Variants in FBXL18 observed in about 807,000 individuals in gnomAD.
FBXL18 encodes the protein F-box and leucine rich repeat protein 18.
In FBXL18, 36 loss-of-function variants were observed where a neutral mutation model predicts 46.0. The ratio of observed to expected loss-of-function variants is 0.78; its 90% confidence interval spans 0.60 to 1.03. The LOEUF (loss-of-function observed/expected upper bound fraction) is 1.03, where lower values mean the gene tolerates loss of function less well. Among genes scored for constraint, FBXL18 ranks in the 50% least tolerant of loss-of-function variants. FBXL18 has a pLI of 0.00. For missense variants in FBXL18, 977 were observed against 1,004.1 expected (o/e 0.97, Z 0.36); for synonymous variants, 557 against 465.3 (o/e 1.20, Z -2.54).
At chr7:5,468,424 A>G (rs766760237) in intron 4 of FBXL18, among the ~76,000 whole-genome samples, 1 of 152,026 alleles carries the variant, frequency 6.6e-6, no homozygotes, top group Non-Finnish European at 1.5e-5. Context: ...GCCACCTCAG[A>G]CATTTTTTAA....
chr7:5,489,839 C>A, intron 4 of FBXL18: 1 of 400,130 alleles, frequency 2.5e-6, no homozygotes, highest in Non-Finnish European at 4.8e-6. Context: ...ACTTGTAATC[C>A]CAGCTGCTCA....
chr7:5,493,684 C>CGTGCGT (rs1554321548), intron 3 of FBXL18, among the ~76,000 whole-genome samples: 14 of 146,644 alleles, frequency 9.5e-5, no homozygotes, highest in African/African-American at 3.5e-4. Context: ...TGCGTGCGTG[C>CGTGCGT]GTGTGTGTGT....
At chr7:5,467,203 T>G (rs1783354290) in intron 4 of FBXL18, among the ~76,000 whole-genome samples, 1 of 151,908 alleles carries the variant, frequency 6.6e-6, no homozygotes, top group Non-Finnish European at 1.5e-5. Context: ...TACAAAAAAT[T>G]AGCCAGGCGC....
Position 5,468,021 on chromosome 7 carries a change from C to T in FBXL18, c.2001-20178G>A, listed in dbSNP as rs536526102. 1.9e-4 allele frequency among the ~76,000 whole-genome samples: 28 copies of T among 150,142 alleles called. No individual in the cohort carries two copies. In the South Asian group the frequency reaches 5.5e-3, roughly 29 times the overall value. On this transcript the variant is annotated intron_variant and NMD_transcript_variant, in intron 4 of 6. Coordinates refer to the FBXL18 transcript ENST00000415009. ...TTTTGGAGATGGAATCTCGCTCTGT[C>T]GCCCAGGCTGGAGTGCAGTGGCACG...
intron 4 of FBXL18, among the ~76,000 whole-genome samples, chr7:5,456,974 G>C (rs1235687087): frequency 2.6e-5 from 4 of 152,178 alleles, no homozygotes; most frequent in African/African-American, 9.7e-5. Flanking sequence ...ATGTTGGCCA[G>C]GCTGGTCTCA....
chr7:5,491,151 C>T (rs10951957), intron 4 of FBXL18, 80 bp downstream of exon 4: 191,264 of 1,312,912 alleles, frequency 0.15, 15,348 homozygotes, highest in African/African-American at 0.26. Context: ...GGTAGGCACT[C>T]GGTGAAGGCT....
chr7:5,481,667 G>T lies in FBXL18; in HGVS notation c.*108C>A. On this transcript the variant is annotated 3_prime_UTR_variant, in exon 5 of 5. Coordinates refer to ENST00000382368, the MANE Select transcript of FBXL18 (RefSeq NM_024963.6). ...CCAGGAGCCAGGTGGGGCGTGGCTG[G>T]CCGGGAGAGAGGCCCCCTTCCTCTT... 4 of 1,232,462 alleles carry T rather than the reference G, an allele frequency of 3.2e-6. No homozygotes were observed. The highest frequency in any genetic ancestry group is 4.6e-6 in the Non-Finnish European group (4 of 867,970). The allele number at this position is 1,232,462 out of a possible 1,614,324, so 76.3% of individuals were successfully genotyped here.
downstream of FBXL18, among the ~76,000 whole-genome samples, chr7:5,471,122 C>T (rs980662047): frequency 2.6e-5 from 4 of 152,166 alleles, no homozygotes; most frequent in African/African-American, 9.6e-5. Flanking sequence ...ACCATGGCTC[C>T]GAAGCTAGGA....
chr7:5,466,738 C>A (rs1783346221), intron 4 of FBXL18, among the ~76,000 whole-genome samples: 1 of 152,160 alleles, frequency 6.6e-6, no homozygotes. Flanking sequence ...CGCCGTGCCA[C>A]GACCCAGCCA....
intron 4 of FBXL18, among the ~76,000 whole-genome samples, chr7:5,488,707 C>T (rs1783838000): frequency 6.6e-6 from 1 of 152,220 alleles, no homozygotes; most frequent in African/African-American, 2.4e-5. Flanking sequence ...TGGAGCCCAG[C>T]CGCAAGCGCA....
intron 1 of FBXL18, among the ~76,000 whole-genome samples, chr7:5,510,822 C>G (rs1784514012): frequency 6.6e-6 from 1 of 152,128 alleles, no homozygotes; most frequent in South Asian, 2.1e-4. Flanking sequence ...GGCTTCCAGA[C>G]AGGTCCCAAC....
intron 4 of FBXL18, among the ~76,000 whole-genome samples, chr7:5,466,942 G>A (rs1300087624): frequency 2.0e-5 from 3 of 152,112 alleles, no homozygotes; most frequent in South Asian, 4.1e-4. Context: ...TAAATGTACA[G>A]GCAGTGGCTC....
At chr7:5,459,667 G>A (rs947782217) in intron 4 of FBXL18, among the ~76,000 whole-genome samples, 1 of 151,710 alleles carries the variant, frequency 6.6e-6, no homozygotes, top group African/African-American at 2.4e-5. Flanking sequence ...GTGAACCTGG[G>A]AGGCAGAGCT....
Position 5,501,464 on chromosome 7 carries a change from C to G in FBXL18, c.805G>C (p.Val269Leu). ...CCGCTCTCCGCGAAGCTGCCAGGGA[C>G]GGAGATGAGGAAGGCGTGGAGGTTC... is the stretch of plus-strand genomic sequence containing the variant. ...PQNLHAFLISVPGSFAESGAT... is the reference protein window; with the variant it reads ...PQNLHAFLISLPGSFAESGAT... Residue 269 changes from valine (V) to leucine (L), a missense_variant, in exon 3 of 5, where the codon GTC (valine) becomes CTC (leucine). Transcript: ENST00000382368. 1 of 1,613,676 alleles carries G rather than the reference C, an allele frequency of 6.2e-7. No individual in the cohort carries two copies. The highest frequency in any genetic ancestry group is 1.3e-5 in the African/African-American group (1 of 75,014).
intron 3 of FBXL18, among the ~76,000 whole-genome samples, chr7:5,498,054 G>A (rs985197617): frequency 6.7e-6 from 1 of 150,030 alleles, no homozygotes; most frequent in African/African-American, 2.5e-5. Flanking sequence ...TACCTTTTGG[G>A]TAATTTTTTT....
chr7:5,474,059 A>G (rs62441009), downstream of FBXL18, among the ~76,000 whole-genome samples: 38,422 of 152,008 alleles, frequency 0.25, 5,569 homozygotes, highest in Admixed American at 0.33. Context: ...GGCCTCTCCA[A>G]CTGCTGGGAT....
In FBXL18 at chr7:5,513,510, G is replaced by A. The variant is rs1013836269; in HGVS notation, c.18+147C>T. 6.6e-6 allele frequency: 6 copies of A among 914,110 alleles called. No homozygotes were observed. In the African/African-American group the frequency reaches 8.2e-5, roughly 13 times the overall value. The allele number at this position is 914,110 out of a possible 1,614,324, so 56.6% of individuals were successfully genotyped here. A position where few individuals can be genotyped will look rare whatever the true frequency, so the allele number is the denominator to read the frequency against. On this transcript the variant is annotated intron_variant, in intron 1 of 4. Transcript: ENST00000382368. ...AGGATGCGGGAAGGACGGGAGCAGG[G>A]GCAAGGCCAGGGTCAGGATGGGAAG...
intron 4 of FBXL18, among the ~76,000 whole-genome samples, chr7:5,463,004 T>C (rs6969474): frequency 0.19 from 15,308 of 82,568 alleles, 2,507 homozygotes; most frequent in Middle Eastern, 0.25. Flanking sequence ...ATAATATATA[T>C]ACACACACAC....
chr7:5,500,463 C>G, intron 3 of FBXL18, 25 bp downstream of exon 3: 2 of 1,561,388 alleles, frequency 1.3e-6, no homozygotes, highest in Non-Finnish European at 1.7e-6. Context: ...AGCAGAGGCC[C>G]GAGAGGTCCC....
Sources: gnomAD v4.1 joint callset for allele counts (sites outside exome capture counted in the v4.1 genomes callset) on GRCh38, gnomAD v4.1.1 for gene constraint, MANE v1.5 for transcripts, NCBI Gene and HGNC (gene_info 2026-07-23, HGNC 2026-07-21) for gene names.